Variants in SPOCK1 observed in about 807,000 individuals in gnomAD.
SPOCK1 encodes SPARC (osteonectin), cwcv and kazal like domains proteoglycan 1, also known as testican-1.
In SPOCK1, 23 loss-of-function variants were observed where a neutral mutation model predicts 55.3. That is an observed-to-expected ratio of 0.42 (90% CI 0.30 to 0.59). The LOEUF (loss-of-function observed/expected upper bound fraction) is 0.59, where lower values mean the gene tolerates loss of function less well. Ranked by LOEUF, SPOCK1 falls within the 20% of genes least tolerant of loss-of-function variation. SPOCK1 has a pLI of 0.22. For missense variants in SPOCK1, 499 were observed against 552.5 expected (o/e 0.90, Z 0.97); for synonymous variants, 226 against 221.0 (o/e 1.02, Z -0.20).
intron 9 of SPOCK1, among the ~76,000 whole-genome samples, chr5:136,981,369 T>C (rs921953798): frequency 6.6e-6 from 1 of 152,240 alleles, no homozygotes; most frequent in Non-Finnish European, 1.5e-5. Context: ...TTTACTTCAC[T>C]GTTGTCTGCT....
At chr5:137,090,954 T>C (rs1753042526) in intron 5 of SPOCK1, among the ~76,000 whole-genome samples, 1 of 151,872 alleles carries the variant, frequency 6.6e-6, no homozygotes. Context: ...CTTTACATAC[T>C]AATTCAGCCA....
chr5:137,171,897 G>A (rs1754761636), intron 3 of SPOCK1, among the ~76,000 whole-genome samples: 1 of 152,170 alleles, frequency 6.6e-6, no homozygotes, highest in Non-Finnish European at 1.5e-5. Context: ...AAAGGTTACT[G>A]TGACTTAAAA....
At chr5:137,355,827 T>C (rs1007338253) in intron 2 of SPOCK1, among the ~76,000 whole-genome samples, 1 of 152,160 alleles carries the variant, frequency 6.6e-6, no homozygotes, top group African/African-American at 2.4e-5. Flanking sequence ...GAGTCCTGCA[T>C]GCCTCCCTCA....
At chr5:137,214,084 G>A (rs868578065) in intron 3 of SPOCK1, among the ~76,000 whole-genome samples, 45 of 152,086 alleles carry the variant, frequency 3.0e-4, no homozygotes, top group African/African-American at 1.0e-3. Flanking sequence ...GCCCAGGGTC[G>A]AACACATAAT....
At chr5:137,350,603 G>A (rs1275504208) in intron 2 of SPOCK1, among the ~76,000 whole-genome samples, 9 of 152,098 alleles carry the variant, frequency 5.9e-5, no homozygotes, top group South Asian at 2.1e-4. Context: ...CCAAAAGAGT[G>A]CACACACATG....
intron 3 of SPOCK1, among the ~76,000 whole-genome samples, chr5:137,241,026 T>C (rs1044040644): frequency 5.9e-5 from 9 of 152,162 alleles, no homozygotes; most frequent in African/African-American, 1.7e-4. Context: ...AAGAATAAAG[T>C]TGGTTCTATA....
chr5:137,164,495 C>T (rs1326375448), intron 3 of SPOCK1, among the ~76,000 whole-genome samples: 5 of 152,174 alleles, frequency 3.3e-5, no homozygotes, highest in Non-Finnish European at 5.9e-5. Flanking sequence ...GTGCTGGCTT[C>T]AGGAGAGACC....
intron 3 of SPOCK1, among the ~76,000 whole-genome samples, chr5:137,210,575 A>G (rs572639518): frequency 6.6e-6 from 1 of 152,310 alleles, no homozygotes; most frequent in African/African-American, 2.4e-5. Flanking sequence ...TAAAAGGCAC[A>G]TTTGTAATAC....
intron 5 of SPOCK1, among the ~76,000 whole-genome samples, chr5:137,095,346 A>G (rs1753126612): frequency 6.6e-6 from 1 of 152,146 alleles, no homozygotes; most frequent in African/African-American, 2.4e-5. Context: ...AATTTGTAAA[A>G]AAAACCTTAG....
At chr5:137,312,691 G>C (rs1048554227) in intron 2 of SPOCK1, among the ~76,000 whole-genome samples, 1 of 152,206 alleles carries the variant, frequency 6.6e-6, no homozygotes, top group Non-Finnish European at 1.5e-5. Flanking sequence ...CAAGCACACA[G>C]CGAGTAGGGT....
At chr5:137,128,590 G>T (rs1465862359) in intron 4 of SPOCK1, among the ~76,000 whole-genome samples, 1 of 152,230 alleles carries the variant, frequency 6.6e-6, no homozygotes. Context: ...GGTGCAGGAA[G>T]CAGCTTGAGG....
At chr5:136,991,304 C>G (rs1410604169) in intron 7 of SPOCK1, among the ~76,000 whole-genome samples, 1 of 151,834 alleles carries the variant, frequency 6.6e-6, no homozygotes, top group Non-Finnish European at 1.5e-5. Context: ...AGAACCCCAC[C>G]AAGAACCACT....
At chr5:136,996,743 A>G (rs1452952482) in intron 6 of SPOCK1, among the ~76,000 whole-genome samples, 1 of 152,142 alleles carries the variant, frequency 6.6e-6, no homozygotes, top group African/African-American at 2.4e-5. Context: ...AAAATTACCA[A>G]TTGGCAGGAT....
At chr5:137,024,314 A>AGGCGGGGGG (rs71583270) in intron 6 of SPOCK1, among the ~76,000 whole-genome samples, 5 of 119,258 alleles carry the variant, frequency 4.2e-5, no homozygotes, top group African/African-American at 1.3e-4. Flanking sequence ...ACCAGTTTGA[A>AGGCGGGGGG]GGGGGGGGGG....
At chr5:137,191,315 T>C (rs1003662898) in intron 3 of SPOCK1, among the ~76,000 whole-genome samples, 4 of 152,214 alleles carry the variant, frequency 2.6e-5, no homozygotes, top group Non-Finnish European at 5.9e-5. Flanking sequence ...AGTTAATATG[T>C]ATCTAACTAA....
At chr5:137,097,131 C>T (rs1054955052) in intron 5 of SPOCK1, among the ~76,000 whole-genome samples, 2 of 150,478 alleles carry the variant, frequency 1.3e-5, no homozygotes, top group Non-Finnish European at 3.0e-5. Context: ...ATCACACCTA[C>T]TTACACACAG....
At chr5:137,183,047 C>T (rs1326453105) in intron 3 of SPOCK1, among the ~76,000 whole-genome samples, 1 of 152,196 alleles carries the variant, frequency 6.6e-6, no homozygotes, top group Non-Finnish European at 1.5e-5. Context: ...ACCTCATGTA[C>T]ATCCCCTATA....
chr5:137,223,107 T>TCCA (rs1221732772), intron 3 of SPOCK1, among the ~76,000 whole-genome samples: 90 of 152,026 alleles, frequency 5.9e-4, no homozygotes, highest in African/African-American at 2.2e-3. Context: ...ATCCATGCTA[T>TCCA]GGCAAAAATA....
intron 5 of SPOCK1, among the ~76,000 whole-genome samples, chr5:137,109,991 C>T (rs896465297): frequency 1.5e-4 from 23 of 152,106 alleles, no homozygotes; most frequent in South Asian, 8.3e-4. Flanking sequence ...TATTTGCCAC[C>T]GCCCTCACCC....
Sources: gnomAD v4.1 joint callset for allele counts (sites outside exome capture counted in the v4.1 genomes callset) on GRCh38, gnomAD v4.1.1 for gene constraint, MANE v1.5 for transcripts, NCBI Gene and HGNC (gene_info 2026-07-23, HGNC 2026-07-21) for gene names.